Variants in FBP1 observed in about 807,000 individuals in gnomAD.
The protein encoded by FBP1 is fructose-1,6-bisphosphatase 1.
In FBP1, 22 loss-of-function variants were observed where a neutral mutation model predicts 29.9. The ratio of observed to expected loss-of-function variants is 0.74; its 90% CI spans 0.53 to 1.05. FBP1 has a LOEUF of 1.05. FBP1 is among the 50% of genes least tolerant of loss of function. FBP1 has a pLI of 0.00. For synonymous variants in FBP1, 175 were observed against 178.6 expected (o/e 0.98, Z 0.16); for missense variants, 345 against 448.2 (o/e 0.77, Z 2.08).
intron 1 of FBP1, among the ~76,000 whole-genome samples, chr9:94,629,502 C>T (rs552705154): frequency 5.3e-5 from 8 of 152,154 alleles, no homozygotes; most frequent in Non-Finnish European, 7.4e-5. Flanking sequence ...GGTGGTAAGA[C>T]GGATAATTAA....
chr9:94,605,390 C>A, intron 6 of FBP1, 67 bp downstream of exon 6: 1 of 1,571,636 alleles, frequency 6.4e-7, no homozygotes, highest in Non-Finnish European at 8.7e-7. Context: ...TTTCTTCTTC[C>A]TAAACTAAAT....
rs370920869 is a variant in FBP1 at position 94,617,875 on chromosome 9, A to G, written c.334-15T>C. 1,232 of 1,571,752 alleles carry G rather than the reference A, an allele frequency of 7.8e-4. No individual in the cohort carries two copies. Among genetic ancestry groups the G allele is most frequent in the Non-Finnish European group, 9.1e-4 (1,044 of 1,141,792 alleles). ...ACATATTTACCCTGAGCACAGAAAA[A>G]AGAAATACAACCTTAAAATGTTATA... is the stretch of plus-strand genomic sequence containing the variant. On this transcript the variant is annotated splice_polypyrimidine_tract_variant and intron_variant, in intron 2 of 6. Coordinates refer to ENST00000375326, the MANE Select transcript of FBP1 (RefSeq NM_000507.4).
upstream of FBP1, among the ~76,000 whole-genome samples, chr9:94,639,729 C>CCCCCA (rs544403542): frequency 2.7e-5 from 4 of 148,464 alleles, no homozygotes; most frequent in African/African-American, 1.0e-4. Context: ...CTGTCGCCCC[C>CCCCCA]CACACACACC....
In FBP1 at chr9:94,603,452, G is replaced by C; in HGVS notation, c.946C>G (p.Pro316Ala). Reference sequence around the variant, plus strand: ...TCGTCGGGGGATCCCAAGATCACCGGCGCCCTCTGGTGAATGTCTGTGGGA... The same window carrying C: ...TCGTCGGGGGATCCCAAGATCACCGCCGCCCTCTGGTGAATGTCTGTGGGA... ...VIPTDIHQRA[P>A]VILGSPDDVL... Residue 316 changes from proline (P) to alanine (A), a missense_variant, in exon 7 of 7, where the codon CCG becomes GCG. Transcript: ENST00000375326. 6.2e-7 allele frequency: 1 copy of C among 1,614,074 alleles called. No homozygotes were observed. The highest frequency in any genetic ancestry group is 8.5e-7 in the Non-Finnish European group (1 of 1,179,990).
In FBP1 at chr9:94,632,712, T is replaced by C. The variant is rs560913903; in HGVS notation, c.170+6429A>G. Among the ~76,000 whole-genome samples, 9 of 152,242 alleles carry C rather than the reference T, an allele frequency of 5.9e-5. No homozygotes were observed. The East Asian group carries it at 1.5e-3, about 26-fold the overall frequency. On this transcript the variant is annotated intron_variant, in intron 1 of 6. Transcript: ENST00000375326. ...ATAGCCTTCAGGAAAACAATGATAT[T>C]AATAACATTGGTACCCAATTAGTAA...
At chr9:94,637,394 T>C (rs1305542642) in intron 1 of FBP1, among the ~76,000 whole-genome samples, 1 of 139,668 alleles carries the variant, frequency 7.2e-6, no homozygotes, top group Non-Finnish European at 1.5e-5. Context: ...CTGAGCATCA[T>C]GCGTCTTTTT....
At chr9:94,618,693 T>C (rs2131487543) in intron 2 of FBP1, among the ~76,000 whole-genome samples, 1 of 152,158 alleles carries the variant, frequency 6.6e-6, no homozygotes. Context: ...AGTAGATAAC[T>C]TTCAGTGGTA....
chr9:94,636,135 T>C (rs1166460067), intron 1 of FBP1, among the ~76,000 whole-genome samples: 2 of 152,100 alleles, frequency 1.3e-5, no homozygotes, highest in Admixed American at 6.6e-5. Flanking sequence ...TGTCAATGAG[T>C]GCAACATAGT....
chr9:94,639,005 C>A, intron 1 of FBP1, 136 bp downstream of exon 1: 2 of 891,542 alleles, frequency 2.2e-6, no homozygotes, highest in South Asian at 2.9e-5. Flanking sequence ...AGACAGAGAG[C>A]GAGAGAGGCG....
At chr9:94,615,346 G>A (rs1233816144) in intron 3 of FBP1, among the ~76,000 whole-genome samples, 5 of 151,628 alleles carry the variant, frequency 3.3e-5, no homozygotes, top group African/African-American at 1.2e-4. Flanking sequence ...GATAGCCAAT[G>A]TCTCTCAATT....
chr9:94,631,237 G>C (rs886659969), intron 1 of FBP1, among the ~76,000 whole-genome samples: 6 of 152,124 alleles, frequency 3.9e-5, no homozygotes, highest in African/African-American at 1.4e-4. Context: ...GCTCTTCCTG[G>C]AGTTTGGGGA....
chr9:94,637,575 G>C (rs1357031676), intron 1 of FBP1, among the ~76,000 whole-genome samples: 1 of 151,914 alleles, frequency 6.6e-6, no homozygotes, highest in Non-Finnish European at 1.5e-5. Context: ...ATTTTTGGTA[G>C]AGACGGGGTT....
chr9:94,616,432 A>G lies in FBP1; in HGVS notation c.426+1336T>C, dbSNP rs531775562. 4.0e-3 allele frequency among the ~76,000 whole-genome samples: 280 copies of G among 69,536 alleles called. 1 individual carries two copies. Among genetic ancestry groups the G allele is most frequent in the Non-Finnish European group, 6.1e-3 (199 of 32,752 alleles). 45.6% of individuals were successfully genotyped at this position (69,536 alleles called of 152,430 possible). A position where few individuals can be genotyped will look rare whatever the true frequency, so the allele number is the denominator to read the frequency against. On this transcript the variant is annotated intron_variant, in intron 3 of 6. Coordinates refer to ENST00000375326, the MANE Select transcript of FBP1 (RefSeq NM_000507.4). ...ATTTGTACCCCCCAAAGCTGTTAAA[A>G]CTATATATATATATACTTTTTTTTT...
chr9:94,609,520 G>A (rs937139014), intron 4 of FBP1, among the ~76,000 whole-genome samples: 3 of 152,174 alleles, frequency 2.0e-5, no homozygotes, highest in Admixed American at 6.5e-5. Flanking sequence ...GCCTTGGCAA[G>A]GCGGGCCCCC....
At chr9:94,618,257 G>A (rs1827892306) in intron 2 of FBP1, among the ~76,000 whole-genome samples, 3 of 151,882 alleles carry the variant, frequency 2.0e-5, no homozygotes, top group African/African-American at 7.3e-5. Flanking sequence ...ACTTTGCTAG[G>A]GTTGAGATCT....
intron 1 of FBP1, among the ~76,000 whole-genome samples, chr9:94,637,824 C>T (rs28402375): frequency 0.053 from 8,094 of 152,132 alleles, 750 homozygotes; most frequent in African/African-American, 0.18. Context: ...CACGGCGGCT[C>T]ATGCCTGTAA....
intron 1 of FBP1, among the ~76,000 whole-genome samples, chr9:94,638,936 C>T (rs1015038667): frequency 6.6e-6 from 1 of 152,128 alleles, no homozygotes; most frequent in African/African-American, 2.4e-5. Context: ...CCTCCAAGGT[C>T]AAGGGAGGAG....
At chr9:94,633,333 A>G (rs369303083) in intron 1 of FBP1, among the ~76,000 whole-genome samples, 14 of 152,198 alleles carry the variant, frequency 9.2e-5, no homozygotes, top group African/African-American at 2.9e-4. Context: ...CTTCCGATAT[A>G]CTTCCAGCCA....
intron 2 of FBP1, among the ~76,000 whole-genome samples, chr9:94,619,943 A>C (rs778743099): frequency 6.6e-6 from 1 of 150,868 alleles, no homozygotes; most frequent in African/African-American, 2.5e-5. Flanking sequence ...TGCGTGCATC[A>C]GGGATGGAAG....
Sources: allele counts gnomAD v4.1 joint callset (sites outside exome capture counted in the v4.1 genomes callset), GRCh38; gene constraint gnomAD v4.1.1; transcripts MANE v1.5; gene names NCBI Gene and HGNC (gene_info 2026-07-23, HGNC 2026-07-21).